The following SEMA5B variants were observed in gnomAD, a reference collection of about 807,000 sequenced individuals.
The protein encoded by SEMA5B is semaphorin-5B.
In SEMA5B, 66 loss-of-function variants were observed where a neutral mutation model predicts 135.0. That is an observed-to-expected ratio of 0.49 (90% CI 0.40 to 0.60). The LOEUF is 0.60. SEMA5B is among the 20% of genes least tolerant of loss of function. The probability of loss-of-function intolerance (pLI) is 0.00; values close to 1 mark genes in which losing one functional copy is unlikely to be tolerated. For synonymous variants in SEMA5B, 690 were observed against 639.5 expected, an observed-to-expected ratio of 1.08 and a Z score of -1.19; for missense variants, 1,501 against 1,566.3, an observed-to-expected ratio of 0.96 and a Z score of 0.70.
intron 5 of SEMA5B, among the ~76,000 whole-genome samples, chr3:122,938,899 T>C (rs1439595999): frequency 1.3e-5 from 2 of 152,228 alleles, no homozygotes; most frequent in Non-Finnish European, 2.9e-5. Context: ...GAAGTCCTTC[T>C]TGGCAGCAGA....
chr3:122,943,972 C>T (rs1939676754), intron 3 of SEMA5B, among the ~76,000 whole-genome samples: 1 of 152,208 alleles, frequency 6.6e-6, no homozygotes, highest in Admixed American at 6.5e-5. Context: ...ACCAGCCTGG[C>T]TTCCAGGCCT....
At chr3:123,000,585 C>A (rs1942144360) in intron 1 of SEMA5B, among the ~76,000 whole-genome samples, 1 of 152,190 alleles carries the variant, frequency 6.6e-6, no homozygotes, top group South Asian at 2.1e-4. Context: ...GGGTCACTGT[C>A]ATCACCCCAG....
intron 1 of SEMA5B, among the ~76,000 whole-genome samples, chr3:123,016,731 T>C (rs752208139): frequency 6.7e-6 from 1 of 150,096 alleles, no homozygotes. Context: ...CATAACACCA[T>C]ACCTGGCTAA....
intron 1 of SEMA5B, among the ~76,000 whole-genome samples, chr3:123,012,291 A>G (rs1388580609): frequency 6.6e-6 from 1 of 152,156 alleles, no homozygotes; most frequent in Non-Finnish European, 1.5e-5. Flanking sequence ...CTGGGGCTGA[A>G]GGCTTTCACC....
intron 1 of SEMA5B, among the ~76,000 whole-genome samples, chr3:123,013,051 G>A (rs1942473373): frequency 6.6e-6 from 1 of 152,228 alleles, no homozygotes; most frequent in East Asian, 1.9e-4. Context: ...AATGGAGCCA[G>A]GGATGGAGCC....
At chr3:122,956,600 A>G (rs1940319336) in intron 2 of SEMA5B, among the ~76,000 whole-genome samples, 2 of 152,190 alleles carry the variant, frequency 1.3e-5, no homozygotes, top group African/African-American at 4.8e-5. Flanking sequence ...GAGAGTGTGT[A>G]TCAGAGCTGA....
chr3:123,014,542 G>A (rs187010614), intron 1 of SEMA5B, among the ~76,000 whole-genome samples: 8 of 152,198 alleles, frequency 5.3e-5, no homozygotes, highest in Admixed American at 6.5e-5. Context: ...CCCCAAGGGG[G>A]CTTAGCAATG....
At chr3:123,013,595 CA>C (rs1368782502) in intron 1 of SEMA5B, among the ~76,000 whole-genome samples, 1 of 152,158 alleles carries the variant, frequency 6.6e-6, no homozygotes, top group Non-Finnish European at 1.5e-5. Flanking sequence ...TGTTGAGACC[CA>C]GTCTGTGTGG....
intron 3 of SEMA5B, among the ~76,000 whole-genome samples, chr3:122,945,252 C>A (rs1017791987): frequency 6.6e-6 from 1 of 152,108 alleles, no homozygotes; most frequent in African/African-American, 2.4e-5. Flanking sequence ...CCTGCCTTTG[C>A]CCCCAGCAGG....
intron 1 of SEMA5B, among the ~76,000 whole-genome samples, chr3:122,970,830 T>C (rs1004380816): frequency 2.6e-5 from 4 of 152,194 alleles, no homozygotes; most frequent in Non-Finnish European, 5.9e-5. Flanking sequence ...CCAGTGCCCA[T>C]GCTTTTCCCA....
intron 1 of SEMA5B, among the ~76,000 whole-genome samples, chr3:122,989,987 T>G (rs967180987): frequency 6.6e-6 from 1 of 152,204 alleles, no homozygotes; most frequent in Non-Finnish European, 1.5e-5. Flanking sequence ...GCCACCTCCC[T>G]GTCCCTGTTC....
intron 9 of SEMA5B, among the ~76,000 whole-genome samples, chr3:122,925,953 C>A (rs1343020464): frequency 6.6e-6 from 1 of 152,146 alleles, no homozygotes; most frequent in Non-Finnish European, 1.5e-5. Flanking sequence ...TTTTCCAGCA[C>A]AGTCTAGATG....
chr3:122,981,983 G>A (rs1941534606), intron 1 of SEMA5B, among the ~76,000 whole-genome samples: 1 of 152,224 alleles, frequency 6.6e-6, no homozygotes, highest in Non-Finnish European at 1.5e-5. Flanking sequence ...CCTCAAGTCA[G>A]GGCTGGAGTG....
At chr3:122,959,953 G>A (rs909877040) in intron 2 of SEMA5B, among the ~76,000 whole-genome samples, 2 of 152,194 alleles carry the variant, frequency 1.3e-5, no homozygotes, top group Non-Finnish European at 2.9e-5. Context: ...GAAATTAAAT[G>A]CTAAGGATGT....
At chr3:122,997,926 G>A (rs1047723732) in intron 1 of SEMA5B, among the ~76,000 whole-genome samples, 56 of 152,086 alleles carry the variant, frequency 3.7e-4, no homozygotes, top group African/African-American at 1.2e-3. Context: ...CAGCCTCTAG[G>A]TATCACCCCT....
chr3:122,920,705 A>G (rs746605480), intron 12 of SEMA5B, among the ~76,000 whole-genome samples: 2 of 152,200 alleles, frequency 1.3e-5, no homozygotes, highest in Non-Finnish European at 2.9e-5. Flanking sequence ...TTAGTAGATG[A>G]TGGAGTTGAG....
intron 2 of SEMA5B, among the ~76,000 whole-genome samples, chr3:122,955,814 T>A (rs1011678771): frequency 1.3e-5 from 2 of 152,272 alleles, no homozygotes; most frequent in Non-Finnish European, 2.9e-5. Flanking sequence ...TACTAGTATA[T>A]GTAAAACATA....
intron 1 of SEMA5B, among the ~76,000 whole-genome samples, chr3:122,968,232 C>T (rs1009361781): frequency 3.3e-5 from 5 of 152,204 alleles, no homozygotes; most frequent in African/African-American, 1.2e-4. Flanking sequence ...TAGCTACCTC[C>T]TTCACAGTTT....
intron 1 of SEMA5B, among the ~76,000 whole-genome samples, chr3:123,016,441 A>G (rs1185997389): frequency 6.6e-6 from 1 of 152,236 alleles, no homozygotes; most frequent in Admixed American, 6.5e-5. Context: ...ACTTTAAATC[A>G]TCACTTAATT....
Sources: allele counts gnomAD v4.1 joint callset (sites outside exome capture counted in the v4.1 genomes callset), GRCh38; gene constraint gnomAD v4.1.1; transcripts MANE v1.5; gene names NCBI Gene and HGNC (gene_info 2026-07-23, HGNC 2026-07-21).